SEC24C: variants seen among roughly 807,000 people sequenced by gnomAD.
SEC24C encodes the protein SEC24 homolog C, COPII component.
A neutral mutation model predicts 117.0 loss-of-function variants in SEC24C; 22 were observed. That is an observed-to-expected ratio of 0.19 (90% CI 0.13 to 0.27). SEC24C has a LOEUF of 0.27. Among genes scored for constraint, SEC24C ranks in the 10% least tolerant of loss-of-function variants. SEC24C has a pLI of 1.00. For missense variants in SEC24C, 1,155 were observed against 1,375.1 expected, an observed-to-expected ratio of 0.84 and a Z score of 2.53; for synonymous variants, 506 against 529.4, an observed-to-expected ratio of 0.96 and a Z score of 0.61.
chr10:73,766,914 C>A, intron 13 of SEC24C, 61 bp downstream of exon 13: 1 of 1,488,326 alleles, frequency 6.7e-7, no homozygotes, highest in South Asian at 1.1e-5. Context: ...ATCTTATCCC[C>A]TGGGATACAA....
At chr10:73,763,225 G>C (rs2082824546) in intron 6 of SEC24C, among the ~76,000 whole-genome samples, 1 of 152,062 alleles carries the variant, frequency 6.6e-6, no homozygotes, top group Admixed American at 6.6e-5. Flanking sequence ...TTGATGGGGG[G>C]TAGGGGGCAA....
intron 14 of SEC24C, among the ~76,000 whole-genome samples, chr10:73,767,418 G>A (rs200427751): frequency 2.6e-5 from 4 of 152,108 alleles, no homozygotes; most frequent in Non-Finnish European, 4.4e-5. Context: ...CCTGTAATCC[G>A]AGCGCTTTGG....
Position 73,769,394 on chromosome 10 carries a change from C to T in SEC24C, c.2472C>T (p.Ile824=), listed in dbSNP as rs1157421778. 1.2e-6 allele frequency: 2 copies of T among 1,614,136 alleles called. No homozygotes were observed. The highest frequency in any genetic ancestry group is 1.1e-5 in the South Asian group (1 of 91,066). Residue 824 remains isoleucine (I), a synonymous_variant, in exon 18 of 23, where the codon ATC becomes ATT. Transcript: ENST00000345254. This position sits in a 1 kb window ranked among gnomAD's most constrained non-coding sequence, Gnocchi z 4.5. ...GTGCAGGGCAGCGTCGGCTCCGCAT[C>T]CATAATCTGGCCCTGAACTGCTGCA... ...TSCAGQRRLR[I]HNLALNCCTQ...
Position 73,751,082 on chromosome 10 carries a change from A to G in SEC24C, c.173-26A>G, listed in dbSNP as rs762660619. On this transcript the variant is annotated intron_variant, in intron 2 of 22. Coordinates refer to ENST00000345254, the MANE Select transcript of SEC24C (RefSeq NM_198597.3). Reference sequence around the variant, plus strand: ...TGGAGGAGAAAGTTATTTCCCAATCACTTAGTTTCTGTCCTTTACCCTCAG... The same window carrying G: ...TGGAGGAGAAAGTTATTTCCCAATCGCTTAGTTTCTGTCCTTTACCCTCAG... The G allele has an allele frequency of 6.2e-6, 10 of 1,601,488 alleles. No individual in the cohort carries two copies. The Middle Eastern group carries it at 5.0e-4, about 80-fold the overall frequency.
chr10:73,751,574 T>C (rs1330728654), intron 3 of SEC24C: 2 of 154,322 alleles, frequency 1.3e-5, no homozygotes, highest in African/African-American at 4.8e-5. Flanking sequence ...AATAAATAAA[T>C]AAAATTGATC....
intron 3 of SEC24C, among the ~76,000 whole-genome samples, chr10:73,753,270 T>G (rs1443347804): frequency 1.3e-5 from 2 of 152,216 alleles, no homozygotes; most frequent in African/African-American, 4.8e-5. Flanking sequence ...CAGGCTGGTC[T>G]CGAACTCCTG....
chr10:73,769,972 T>C lies in SEC24C; in HGVS notation c.2819T>C (p.Val940Ala), dbSNP rs2082947734. The C allele has an allele frequency of 6.2e-7, 1 of 1,614,170 alleles. No individual in the cohort carries two copies. Among genetic ancestry groups the C allele is most frequent in the African/African-American group, 1.3e-5 (1 of 75,040 alleles). The change falls in exon 20 of 23, where the codon GTG becomes GCG. Residue 940 changes from valine (V) to alanine (A), a missense_variant. Coordinates refer to ENST00000345254, the MANE Select transcript of SEC24C (RefSeq NM_198597.3). The surrounding 1 kb of genome is among the most constrained non-coding windows in gnomAD (Gnocchi z 4.5). ...YVRQLVTSMD[V>A]TETNVFFYPR... ...CGACAGCTAGTTACCTCCATGGATG[T>C]GACTGAGACCAATGTCTTCTTCTAC...
chr10:73,763,527 C>G lies in SEC24C; in HGVS notation c.1025C>G (p.Thr342Arg), dbSNP rs139950165. The G allele has an allele frequency of 6.2e-7, 1 of 1,613,762 alleles. No individual in the cohort carries two copies. Among genetic ancestry groups the G allele is most frequent in the Middle Eastern group, 1.7e-4 (1 of 6,060 alleles). ...VIEDDRNNRG[T>R]EPFVTGVRGQ... The stretch of plus-strand genomic sequence containing the variant: ...GAAGATGACAGGAACAACCGGGGTA[C>G]AGAGCCATTTGTTACTGGAGTACGG... Residue 342 changes from threonine (T) to arginine (R), a missense_variant, in exon 7 of 23, where the codon ACA (threonine) becomes AGA (arginine). Coordinates refer to ENST00000345254, the MANE Select transcript of SEC24C (RefSeq NM_198597.3).
intron 3 of SEC24C, among the ~76,000 whole-genome samples, chr10:73,754,409 C>T (rs1324815925): frequency 2.6e-5 from 4 of 152,042 alleles, no homozygotes; most frequent in South Asian, 2.1e-4. Context: ...AGTGAGACTT[C>T]GTCTCAGGAA....
Position 73,769,261 on chromosome 10 carries a change from G to T in SEC24C, c.2425-86G>T, listed in dbSNP as rs763740751. 7 of 1,587,776 alleles carry T rather than the reference G, an allele frequency of 4.4e-6. No homozygotes were observed. Among genetic ancestry groups the T allele is most frequent in the Non-Finnish European group, 4.3e-6 (5 of 1,165,346 alleles). ...AAAGAAGAGACAGGGCACGGGAGTG[G>T]CTCATTTCTCTCTTCCAGTTTAATA... On this transcript the variant is annotated intron_variant, in intron 17 of 22. Transcript: ENST00000345254. This position sits in a 1 kb window ranked among gnomAD's most constrained non-coding sequence, Gnocchi z 4.5.
chr10:73,745,517 A>C (rs74524189), intron 1 of SEC24C, among the ~76,000 whole-genome samples: 3 of 151,090 alleles, frequency 2.0e-5, no homozygotes, highest in African/African-American at 7.3e-5. Flanking sequence ...CTTGGTTTTA[A>C]TCTGTTACCT....
chr10:73,749,236 T>C (rs2082607885), intron 2 of SEC24C, among the ~76,000 whole-genome samples: 2 of 152,212 alleles, frequency 1.3e-5, no homozygotes. Context: ...GACCGAATAT[T>C]TCCTGTTGAC....
rs577380965 is a variant in SEC24C at position 73,745,947 on chromosome 10, G to A, written c.-28-858G>A. ...GAGGCCAAGGTGGGTGGATCACGAG[G>A]TCAGGAGATCGAGACCAGCCTGGCT... On this transcript the variant is annotated intron_variant, in intron 1 of 22. Coordinates refer to ENST00000345254, the MANE Select transcript of SEC24C (RefSeq NM_198597.3). Among the ~76,000 whole-genome samples the A allele has an allele frequency of 2.6e-3, 394 of 151,862 alleles. 1 individual carries two copies. Among genetic ancestry groups the A allele is most frequent in the Admixed American group, 3.9e-3 (59 of 15,270 alleles).
At chr10:73,750,632 TGAA>T (rs1252522171) in intron 2 of SEC24C, among the ~76,000 whole-genome samples, 1 of 152,350 alleles carries the variant, frequency 6.6e-6, no homozygotes, top group African/African-American at 2.4e-5. Flanking sequence ...GCAGAATGAA[TGAA>T]GAAGAAGGTG....
rs1190621623 is a variant in SEC24C at position 73,766,530 on chromosome 10, A to G, written c.1788A>G (p.Ala596=). 1 of 1,607,854 alleles carries G rather than the reference A, an allele frequency of 6.2e-7. No individual in the cohort carries two copies. The highest frequency in any genetic ancestry group is 2.2e-5 in the East Asian group (1 of 44,868). Residue 596 remains alanine, a synonymous_variant, in exon 12 of 23, where the codon GCA becomes GCG. Coordinates refer to ENST00000345254, the MANE Select transcript of SEC24C (RefSeq NM_198597.3). The part of the protein sequence containing the change: ...GFLVNVNESR[A]VITSLLDQIP... ...TGGTCAACGTCAATGAGTCTCGGGC[A>G]GTTATCACCAGGTAAGAGCCAGATT...
In SEC24C at chr10:73,755,023, C is replaced by T. The variant is rs560521278; in HGVS notation, c.308+3780C>T. On this transcript the variant is annotated intron_variant, in intron 3 of 22. Transcript: ENST00000345254. The stretch of plus-strand genomic sequence containing the variant: ...TGGCACATGCCTGTGGTCCCAGCTT[C>T]TTGGGAGGCTGAGGTGGGAGGATGG... Among the ~76,000 whole-genome samples, 319 of 152,064 alleles carry T rather than the reference C, an allele frequency of 2.1e-3. 2 individuals are homozygous for T. The highest frequency in any genetic ancestry group is 7.3e-3 in the African/African-American group (304 of 41,494).
Position 73,771,323 on chromosome 10 carries a change from C to A in SEC24C, c.*228C>A. On this transcript the variant is annotated 3_prime_UTR_variant, in exon 23 of 23. Coordinates refer to ENST00000345254, the MANE Select transcript of SEC24C (RefSeq NM_198597.3). ...CCCTCATTCTACCCTCTTTTTCCTG[C>A]TAATCCTGTCATAATGAATGTAGCT... The A allele has an allele frequency of 1.8e-6, 1 of 549,844 alleles. No homozygotes were observed. The highest frequency in any genetic ancestry group is 2.2e-5 in the South Asian group (1 of 44,612). The allele number at this position is 549,844 out of a possible 1,614,324, so 34.1% of individuals were successfully genotyped here.
chr10:73,767,950 A>G lies in SEC24C; in HGVS notation c.2124A>G (p.Thr708=), dbSNP rs4746147. ...CTAACCAGTATGTGGATGTGGCCAC[A>G]CTCTCTGTTGTGCCCCAGCTCACTG... is the stretch of plus-strand genomic sequence containing the variant. ...LFPNQYVDVA[T]LSVVPQLTGG... The change falls in exon 15 of 23, where the codon ACA becomes ACG. Residue 708 remains threonine (T), a synonymous_variant. Transcript: ENST00000345254. The G allele has an allele frequency of 0.14, 224,616 of 1,612,682 alleles. 16,425 individuals carry two copies. Among genetic ancestry groups the G allele is most frequent in the South Asian group, 0.22 (19,568 of 90,918 alleles).
intron 15 of SEC24C, among the ~76,000 whole-genome samples, chr10:73,768,214 T>C (rs1366130837): frequency 6.6e-6 from 1 of 152,040 alleles, no homozygotes; most frequent in Non-Finnish European, 1.5e-5. Flanking sequence ...CAAAACCCCA[T>C]CTCTACGAAA....
Sources: gnomAD v4.1 joint callset for allele counts (sites outside exome capture counted in the v4.1 genomes callset) on GRCh38, gnomAD v4.1.1 for gene constraint, Gnocchi (gnomAD v3.1) non-coding constraint, MANE v1.5 for transcripts, NCBI Gene and HGNC (gene_info 2026-07-23, HGNC 2026-07-21) for gene names.